DDI2: variants seen among roughly 807,000 people sequenced by gnomAD.
DDI2 encodes protein DDI1 homolog 2.
DDI2 carries 5 observed loss-of-function variants against 48.1 expected under a neutral mutation model. That is an observed-to-expected ratio of 0.10 (90% CI 0.05 to 0.22). The LOEUF is 0.22. Among genes scored for constraint, DDI2 ranks in the 10% least tolerant of loss-of-function variants. DDI2 has a pLI of 1.00. For missense variants in DDI2, 285 were observed against 506.2 expected (o/e 0.56, Z 4.19); for synonymous variants, 205 against 183.6 (o/e 1.12, Z -0.94).
rs1640484244 is a variant in DDI2, at chr1:15,668,314, A to G, written c.*8524A>G. ...ACCAGACTTATTTTTCCTTTCCTGA[A>G]TCTTCACAGCTGAGTTTATGGCACC... On this transcript the variant is annotated 3_prime_UTR_variant, in exon 10 of 10. Transcript: ENST00000480945. The G allele has an allele frequency of 6.6e-6, 1 of 152,122 alleles. No homozygotes were observed. The highest frequency in any genetic ancestry group is 1.5e-5 in the Non-Finnish European group (1 of 68,028). The allele number at this position is 152,122 out of a possible 1,614,324, so 9.4% of individuals were successfully genotyped here. A position where few individuals can be genotyped will look rare whatever the true frequency, so the allele number is the denominator to read the frequency against.
chr1:15,649,720 C>T lies in DDI2; in HGVS notation c.890C>T (p.Ala297Val). ...CCTTTTCTCTTCATGTGCTTTTTAGCTCAGGTTCAGATTGAAGGAGATTTT... is the reference window on the plus strand; with the variant it reads ...CCTTTTCTCTTCATGTGCTTTTTAGTTCAGGTTCAGATTGAAGGAGATTTT... Reference protein sequence around the residue: ...TQKIIGRVHLAQVQIEGDFLP... With the variant: ...TQKIIGRVHLVQVQIEGDFLP... The change falls in exon 7 of 10, where the codon GCT becomes GTT. Residue 297 changes from alanine to valine, a missense_variant and splice_region_variant. By Grantham distance (64) the Ala-to-Val change is moderately conservative. Coordinates refer to ENST00000480945, the MANE Select transcript of DDI2 (RefSeq NM_032341.5). 1 of 1,608,900 alleles carries T rather than the reference C, an allele frequency of 6.2e-7. No individual in the cohort carries two copies. Among genetic ancestry groups the T allele is most frequent in the Non-Finnish European group, 8.5e-7 (1 of 1,178,478 alleles).
intron 5 of DDI2, 98 bp downstream of exon 5, chr1:15,638,532 T>TAA: frequency 8.6e-6 from 3 of 349,004 alleles, no homozygotes; most frequent in Non-Finnish European, 1.2e-5. Flanking sequence ...TGGCTGTACT[T>TAA]TTTTTTTTTT....
intron 3 of DDI2, among the ~76,000 whole-genome samples, chr1:15,631,789 G>A (rs1358170321): frequency 6.6e-6 from 1 of 151,732 alleles, no homozygotes; most frequent in African/African-American, 2.4e-5. Context: ...TAGAGTGTCT[G>A]CTCTTTCGTG....
chr1:15,653,829 T>TA (rs1001196619), intron 8 of DDI2, among the ~76,000 whole-genome samples: 3 of 152,214 alleles, frequency 2.0e-5, no homozygotes, highest in African/African-American at 7.2e-5. Context: ...AATGCAGTGT[T>TA]ATGGTGTGAG....
rs184582686 is a variant in DDI2 at position 15,666,304 on chromosome 1, T to C, written c.*6514T>C. On this transcript the variant is annotated 3_prime_UTR_variant, in exon 10 of 10. Coordinates refer to ENST00000480945, the MANE Select transcript of DDI2 (RefSeq NM_032341.5). ...GAATAGCAGAGGCATCAAATTTTGG[T>C]GGGGAATGAGAGGAGTATTAGGGGA... 1.3e-4 allele frequency: 20 copies of C among 152,120 alleles called. No homozygotes were observed. In the East Asian group the frequency reaches 3.9e-3, roughly 29 times the overall value. The allele number at this position is 152,120 out of a possible 1,614,324, so 9.4% of individuals were successfully genotyped here.
intron 1 of DDI2, among the ~76,000 whole-genome samples, chr1:15,623,387 CTTTTTTTTTTTTT>C (rs777821777): frequency 9.3e-6 from 1 of 107,516 alleles, no homozygotes; most frequent in Non-Finnish European, 1.8e-5. Context: ...TTTTCTTCTT[CTTTTTTTTTTTTT>C]TTTTTTTTTA....
intron 8 of DDI2, among the ~76,000 whole-genome samples, chr1:15,652,186 C>A (rs971449126): frequency 6.7e-6 from 1 of 149,072 alleles, no homozygotes; most frequent in Non-Finnish European, 1.5e-5. Context: ...GCAGTCCTCT[C>A]ACCTCAGCCT....
rs1391794431 is a variant in DDI2 at position 15,660,337 on chromosome 1, C to G, written c.*547C>G. 1 of 1,614,128 alleles carries G rather than the reference C, an allele frequency of 6.2e-7. No homozygotes were observed. The highest frequency in any genetic ancestry group is 1.7e-5 in the Admixed American group (1 of 60,022). Reference sequence around the variant, plus strand: ...TGAAAAGGATTGGCATCCAGAAAATCAGAACCTGAGTCAAGTGAGTGACCC... The same window carrying G: ...TGAAAAGGATTGGCATCCAGAAAATGAGAACCTGAGTCAAGTGAGTGACCC... On this transcript the variant is annotated 3_prime_UTR_variant, in exon 10 of 10. Coordinates refer to ENST00000480945, the MANE Select transcript of DDI2 (RefSeq NM_032341.5).
At chr1:15,639,996 G>T (rs778710338) in intron 5 of DDI2, among the ~76,000 whole-genome samples, 1 of 151,688 alleles carries the variant, frequency 6.6e-6, no homozygotes, top group Non-Finnish European at 1.5e-5. Flanking sequence ...CCCAGCCTGG[G>T]TGAGTGAGAC....
intron 9 of DDI2, among the ~76,000 whole-genome samples, chr1:15,658,613 T>G (rs1640308211): frequency 6.6e-6 from 1 of 151,662 alleles, no homozygotes; most frequent in Non-Finnish European, 1.5e-5. Context: ...AAATGCAAAA[T>G]TAGTCGGGTG....
chr1:15,663,636 G>A lies in DDI2; in HGVS notation c.*3846G>A, dbSNP rs866270732. The A allele has an allele frequency of 6.6e-6, 1 of 152,166 alleles. No individual in the cohort carries two copies. The highest frequency in any genetic ancestry group is 1.5e-5 in the Non-Finnish European group (1 of 68,038). 9.4% of individuals were successfully genotyped at this position (152,166 alleles called of 1,614,324 possible). A position where few individuals can be genotyped will look rare whatever the true frequency, so the allele number is the denominator to read the frequency against. On this transcript the variant is annotated 3_prime_UTR_variant, in exon 10 of 10. Transcript: ENST00000480945. ...CGATGCACTAGGAAACTGCTCATAG[G>A]ATTTCTGTCAGCTGACTTAAAGCTG... is the stretch of plus-strand genomic sequence containing the variant.
Position 15,618,101 on chromosome 1 carries a change from C to A in DDI2, c.138+293C>A, listed in dbSNP as rs989845379. ...TGTTGAGCAGCGCTAACCCTCCCCA[C>A]CTTTGGCTCTTTGGCCCTTCCCTGT... On this transcript the variant is annotated intron_variant, in intron 1 of 9. Transcript: ENST00000480945. Among the ~76,000 whole-genome samples the A allele has an allele frequency of 5.6e-4, 85 of 152,320 alleles. 1 individual carries two copies. The highest frequency in any genetic ancestry group is 2.0e-3 in the African/African-American group (82 of 41,580).
Position 15,626,778 on chromosome 1 carries a change from G to A in DDI2, c.248G>A (p.Arg83Gln), listed in dbSNP as rs202121145. 17 of 1,614,082 alleles carry A rather than the reference G, an allele frequency of 1.1e-5. No individual in the cohort carries two copies. In the Admixed American group the frequency reaches 2.0e-4, roughly 19 times the overall value. The change falls in exon 2 of 10, where the codon CGA (arginine) becomes CAA (glutamine). Residue 83 changes from arginine (R) to glutamine (Q), a missense_variant. Around this residue, in one of 3 missense-constraint regions of DDI2, gnomAD observed 149 missense variants for 236.5 expected, o/e 0.63. Coordinates refer to ENST00000480945, the MANE Select transcript of DDI2 (RefSeq NM_032341.5). ...CGACAGAAGGAGAATGCAGACCCTC[G>A]ACCTCCAGTGCAGTTCCCAAGTAAG... ...ILRQKENADP[R>Q]PPVQFPNLPR...
At chr1:15,645,977 G>C (rs1640084745) in intron 6 of DDI2, among the ~76,000 whole-genome samples, 2 of 152,142 alleles carry the variant, frequency 1.3e-5, no homozygotes, top group Non-Finnish European at 2.9e-5. Context: ...TGAAAGTTGG[G>C]AGGGAGAAAA....
intron 3 of DDI2, among the ~76,000 whole-genome samples, chr1:15,632,477 G>C (rs1433924287): frequency 6.6e-6 from 1 of 152,024 alleles, no homozygotes; most frequent in East Asian, 1.9e-4. Context: ...AGGTTGTAGT[G>C]AGCCAAGATT....
Position 15,659,865 on chromosome 1 carries a change from G to A in DDI2, c.*75G>A. On this transcript the variant is annotated 3_prime_UTR_variant, in exon 10 of 10. Transcript: ENST00000480945. ...AAAGTGGTAAAGAATCTACCTCACT[G>A]GGAATGTCATCATTACCAACTTCAG... The A allele has an allele frequency of 6.4e-7, 1 of 1,561,464 alleles. No individual in the cohort carries two copies. The highest frequency in any genetic ancestry group is 8.6e-7 in the Non-Finnish European group (1 of 1,158,118).
intron 4 of DDI2, among the ~76,000 whole-genome samples, chr1:15,636,585 C>T (rs1330241290): frequency 6.6e-6 from 1 of 152,122 alleles, no homozygotes; most frequent in African/African-American, 2.4e-5. Context: ...CAATCTCTTG[C>T]GTCAGTCTCC....
intron 8 of DDI2, among the ~76,000 whole-genome samples, chr1:15,653,353 G>T (rs1640223300): frequency 6.6e-6 from 1 of 151,584 alleles, no homozygotes; most frequent in Non-Finnish European, 1.5e-5. Flanking sequence ...ATGGCTCACT[G>T]CAGCCTCAGT....
At chr1:15,644,914 A>G (rs1318900464) in intron 6 of DDI2, among the ~76,000 whole-genome samples, 1 of 125,934 alleles carries the variant, frequency 7.9e-6, no homozygotes. Context: ...TTTTTGAAAC[A>G]GTCTTTGTTC....
Sources: gnomAD v4.1 joint callset for allele counts (sites outside exome capture counted in the v4.1 genomes callset) on GRCh38, gnomAD v4.1.1 for gene constraint, gnomAD v4.1.1 regional missense constraint, MANE v1.5 for transcripts, NCBI Gene and HGNC (gene_info 2026-07-23, HGNC 2026-07-21) for gene names.